Variants in ASTN1 observed in about 807,000 individuals in gnomAD.
The protein encoded by ASTN1 is astrotactin-1.
In ASTN1, 41 loss-of-function variants were observed where a neutral mutation model predicts 140.7. The observed-to-expected ratio is 0.29, with a 90% CI of 0.23 to 0.38. The LOEUF (loss-of-function observed/expected upper bound fraction) is 0.38. Ranked by LOEUF, ASTN1 falls within the 10% of genes least tolerant of loss-of-function variation. ASTN1 has a pLI of 1.00. For synonymous variants in ASTN1, 640 were observed against 652.2 expected (o/e 0.98, Z 0.29); for missense variants, 1,479 against 1,678.8 (o/e 0.88, Z 2.08).
At chr1:177,044,297 T>C (rs1440032961) in intron 2 of ASTN1, among the ~76,000 whole-genome samples, 1 of 152,156 alleles carries the variant, frequency 6.6e-6, no homozygotes, top group Non-Finnish European at 1.5e-5. Flanking sequence ...TTTCTGTTTT[T>C]TCAGGCTTCC....
chr1:176,957,713 T>C lies in ASTN1; in HGVS notation c.1852A>G (p.Ile618Val). The C allele has an allele frequency of 6.2e-7, 1 of 1,614,056 alleles. No homozygotes were observed. Among genetic ancestry groups the C allele is most frequent in the East Asian group, 2.2e-5 (1 of 44,866 alleles). ...NGGCSKNFRC[I>V]SDRKLDSTGC... ...GTGGAGTCCAGCTTGCGATCTGAAA[T>C]ACAGCGGAAATTCTTACTGCAGCCC... Residue 618 changes from isoleucine to valine, a missense_variant, in exon 11 of 23, where the codon ATT becomes GTT. Physicochemically the swap from Ile to Val is conservative, Grantham distance 29. Coordinates refer to ENST00000361833, the MANE Select transcript of ASTN1 (RefSeq NM_004319.3).
At chr1:176,960,986 C>T (rs949741892) in intron 9 of ASTN1, among the ~76,000 whole-genome samples, 3 of 152,150 alleles carry the variant, frequency 2.0e-5, no homozygotes, top group Non-Finnish European at 4.4e-5. Flanking sequence ...TTGTGCCTGT[C>T]TCTTCAGGTA....
intron 8 of ASTN1, among the ~76,000 whole-genome samples, chr1:177,002,055 A>G (rs868451154): frequency 1.9e-4 from 29 of 152,154 alleles, no homozygotes; most frequent in African/African-American, 7.0e-4. Context: ...TTGAACAACT[A>G]TTTACAGACC....
chr1:177,139,487 G>T (rs1682361385), intron 1 of ASTN1, among the ~76,000 whole-genome samples: 1 of 152,204 alleles, frequency 6.6e-6, no homozygotes, highest in Non-Finnish European at 1.5e-5. Flanking sequence ...GTCCTGAACA[G>T]AAGCATATAA....
At chr1:177,013,048 T>C (rs769783511) in intron 8 of ASTN1, among the ~76,000 whole-genome samples, 35 of 152,160 alleles carry the variant, frequency 2.3e-4, no homozygotes, top group South Asian at 2.1e-3. Context: ...AGAATGTAAA[T>C]AGCCAGTGGT....
chr1:176,887,948 C>A, intron 18 of ASTN1, 123 bp downstream of exon 18: 1 of 1,373,926 alleles, frequency 7.3e-7, no homozygotes, highest in Non-Finnish European at 9.9e-7. Context: ...TGAAAGCTCT[C>A]TAAAGGCAGG....
intron 1 of ASTN1, among the ~76,000 whole-genome samples, chr1:177,113,290 T>TC (rs1221619870): frequency 6.6e-6 from 1 of 151,874 alleles, no homozygotes; most frequent in Non-Finnish European, 1.5e-5. Flanking sequence ...GAGCCCACTG[T>TC]CCCCCCAACC....
At chr1:177,010,947 A>C (rs1289138181) in intron 8 of ASTN1, among the ~76,000 whole-genome samples, 2 of 152,208 alleles carry the variant, frequency 1.3e-5, no homozygotes, top group African/African-American at 4.8e-5. Context: ...AAAAAAGTAA[A>C]GTGTAGTGAG....
intron 16 of ASTN1, among the ~76,000 whole-genome samples, chr1:176,928,159 C>T (rs1241797284): frequency 6.6e-6 from 1 of 151,660 alleles, no homozygotes; most frequent in East Asian, 1.9e-4. Flanking sequence ...AGACTAGACC[C>T]TAGAATATCT....
At chr1:177,024,075 G>A (rs576200544) in intron 6 of ASTN1, among the ~76,000 whole-genome samples, 1 of 152,310 alleles carries the variant, frequency 6.6e-6, no homozygotes, top group South Asian at 2.1e-4. Context: ...ATGATTCAGG[G>A]ACTCTCAGAA....
Position 177,061,359 on chromosome 1 carries a change from G to A in ASTN1, c.284-94C>T, listed in dbSNP as rs146628605. ...CCACTTGTACCAATTAGCCAGTTTCGTCTGAAGCCAACAGAAGTTTCCAAC... is the reference window on the plus strand; with the variant it reads ...CCACTTGTACCAATTAGCCAGTTTCATCTGAAGCCAACAGAAGTTTCCAAC... On this transcript the variant is annotated intron_variant, in intron 1 of 22. Coordinates refer to ENST00000361833, the MANE Select transcript of ASTN1 (RefSeq NM_004319.3). 1.8e-4 allele frequency: 231 copies of A among 1,259,642 alleles called. 2 individuals carry two copies. The East Asian group carries it at 5.4e-3, about 30-fold the overall frequency. 78.0% of individuals were successfully genotyped at this position (1,259,642 alleles called of 1,614,324 possible). A position where few individuals can be genotyped will look rare whatever the true frequency, so the allele number is the denominator to read the frequency against.
intron 2 of ASTN1, among the ~76,000 whole-genome samples, chr1:177,059,828 G>T (rs1356264378): frequency 6.6e-6 from 1 of 152,164 alleles, no homozygotes; most frequent in Non-Finnish European, 1.5e-5. Flanking sequence ...ATGAAATAAG[G>T]TTTGAACTAA....
chr1:177,003,769 C>A (rs1056933130), intron 8 of ASTN1, among the ~76,000 whole-genome samples: 1 of 151,302 alleles, frequency 6.6e-6, no homozygotes, highest in Non-Finnish European at 1.5e-5. Flanking sequence ...CCAAGATTGC[C>A]CCACTGCACT....
rs1668046033 is a variant in ASTN1 at position 176,863,928 on chromosome 1, CT to C, written c.*355del. 1.9e-6 allele frequency: 2 copies of C among 1,068,136 alleles called. No homozygotes were observed. Among genetic ancestry groups the C allele is most frequent in the East Asian group, 7.8e-5 (1 of 12,870 alleles). The allele number at this position is 1,068,136 out of a possible 1,614,324, so 66.2% of individuals were successfully genotyped here. A position where few individuals can be genotyped will look rare whatever the true frequency, so the allele number is the denominator to read the frequency against. ...TAGGAACTGAGTGAGCACAGGGTGC[CT>C]ACTTAATAGACTTTTCATGGGGAGC... On this transcript the variant is annotated 3_prime_UTR_variant, in exon 23 of 23. Coordinates refer to ENST00000361833, the MANE Select transcript of ASTN1 (RefSeq NM_004319.3).
intron 1 of ASTN1, among the ~76,000 whole-genome samples, chr1:177,100,228 G>C (rs777941572): frequency 5.9e-5 from 9 of 152,070 alleles, no homozygotes; most frequent in South Asian, 2.1e-4. Context: ...GAAATGTGGT[G>C]AGTTATAATA....
chr1:176,990,895 T>G (rs191309210), intron 8 of ASTN1, among the ~76,000 whole-genome samples: 1 of 152,324 alleles, frequency 6.6e-6, no homozygotes, highest in East Asian at 1.9e-4. Context: ...ACAACCTCTC[T>G]TCCCTGGTCT....
intron 1 of ASTN1, among the ~76,000 whole-genome samples, chr1:177,127,421 C>T (rs10798497): frequency 0.087 from 13,282 of 152,228 alleles, 679 homozygotes; most frequent in Middle Eastern, 0.19. Context: ...GTTTTTCACC[C>T]ATGTCACAAT....
intron 14 of ASTN1, among the ~76,000 whole-genome samples, chr1:176,937,140 T>C (rs963689363): frequency 6.6e-6 from 1 of 152,208 alleles, no homozygotes; most frequent in Non-Finnish European, 1.5e-5. Context: ...ATACACCTGA[T>C]TTTTACTCTC....
chr1:177,071,541 C>G (rs545065585), intron 1 of ASTN1, among the ~76,000 whole-genome samples: 1 of 152,200 alleles, frequency 6.6e-6, no homozygotes, highest in Non-Finnish European at 1.5e-5. Flanking sequence ...TTCTAGGGAA[C>G]AGGCTTTCCA....
Sources: gnomAD v4.1 joint callset for allele counts (sites outside exome capture counted in the v4.1 genomes callset) on GRCh38, gnomAD v4.1.1 for gene constraint, MANE v1.5 for transcripts, NCBI Gene and HGNC (gene_info 2026-07-23, HGNC 2026-07-21) for gene names.